ROBO2: variants seen among roughly 807,000 people sequenced by gnomAD.
ROBO2 encodes the protein roundabout homolog 2.
In ROBO2, 53 loss-of-function variants were observed where a neutral mutation model predicts 160.8. The ratio of observed to expected loss-of-function variants is 0.33; its 90% CI spans 0.26 to 0.41. The LOEUF is 0.41. ROBO2 is among the 10% of genes least tolerant of loss of function. ROBO2 has a pLI of 1.00. For synonymous variants in ROBO2, 664 were observed against 611.7 expected (o/e 1.09, Z -1.26); for missense variants, 1,577 against 1,722.4 (o/e 0.92, Z 1.49).
chr3:77,295,950 G>A (rs1433264122), intron 2 of ROBO2, among the ~76,000 whole-genome samples: 2 of 119,156 alleles, frequency 1.7e-5, no homozygotes, highest in East Asian at 2.5e-4. Context: ...ATGGTTAAAC[G>A]GGTAAGCTGA....
chr3:77,293,905 A>T (rs867389680), intron 2 of ROBO2, among the ~76,000 whole-genome samples: 3 of 125,084 alleles, frequency 2.4e-5, no homozygotes, highest in African/African-American at 1.1e-4. Flanking sequence ...AGTAAGCTGC[A>T]GCTAGATCAC....
At chr3:76,924,647 C>T (rs1056790397) in intron 2 of ROBO2, among the ~76,000 whole-genome samples, 4 of 152,180 alleles carry the variant, frequency 2.6e-5, no homozygotes, top group Non-Finnish European at 4.4e-5. Flanking sequence ...TATAGGCTCT[C>T]CCAGTGCATA....
At chr3:76,286,405 A>G (rs1708507449) in intron 2 of ROBO2, among the ~76,000 whole-genome samples, 1 of 152,192 alleles carries the variant, frequency 6.6e-6, no homozygotes, top group East Asian at 1.9e-4. Context: ...CAGTGGTGTA[A>G]GAATAGTGTT....
rs142129584 is a variant in ROBO2, at chr3:76,288,413, T to C, written c.109+350811T>C. ...AAACTTAAATCACCTAAAATACCCATTTTTTTAATCATTCCCATTAATGAA... is the reference window on the plus strand; with the variant it reads ...AAACTTAAATCACCTAAAATACCCACTTTTTTAATCATTCCCATTAATGAA... On this transcript the variant is annotated intron_variant, in intron 2 of 26. Coordinates refer to the ROBO2 transcript ENST00000487694. Among the ~76,000 whole-genome samples, 518 of 152,158 alleles carry C rather than the reference T, an allele frequency of 3.4e-3. 6 individuals are homozygous for C. The highest frequency in any genetic ancestry group is 0.025 in the Admixed American group (376 of 15,266).
At chr3:76,233,299 A>G (rs773196519) in intron 2 of ROBO2, among the ~76,000 whole-genome samples, 3 of 151,958 alleles carry the variant, frequency 2.0e-5, no homozygotes, top group Non-Finnish European at 4.4e-5. Context: ...ACTTGCCACC[A>G]CACCCAGCTA....
At chr3:76,859,488 C>G (rs2070506513) in intron 2 of ROBO2, among the ~76,000 whole-genome samples, 1 of 152,148 alleles carries the variant, frequency 6.6e-6, no homozygotes, top group Non-Finnish European at 1.5e-5. Flanking sequence ...TCTAGCCTCT[C>G]CAGAACTCAG....
At chr3:77,240,356 C>T (rs1046868656) in intron 2 of ROBO2, among the ~76,000 whole-genome samples, 13 of 152,168 alleles carry the variant, frequency 8.5e-5, no homozygotes, top group Non-Finnish European at 1.9e-4. Flanking sequence ...TGCCCGGAGC[C>T]GTCAGTGCCA....
chr3:76,412,397 C>G (rs1384390912), intron 2 of ROBO2, among the ~76,000 whole-genome samples: 2 of 152,272 alleles, frequency 1.3e-5, no homozygotes, highest in African/African-American at 4.8e-5. Flanking sequence ...CAACAGTCCC[C>G]CAAAGTCTTA....
intron 2 of ROBO2, among the ~76,000 whole-genome samples, chr3:77,255,210 A>C (rs2090793505): frequency 6.6e-6 from 1 of 152,258 alleles, no homozygotes; most frequent in African/African-American, 2.4e-5. Context: ...AAATTAAGTT[A>C]CATGAGTCCA....
intron 2 of ROBO2, among the ~76,000 whole-genome samples, chr3:76,231,272 C>T (rs1238719640): frequency 6.6e-6 from 1 of 152,188 alleles, no homozygotes; most frequent in African/African-American, 2.4e-5. Flanking sequence ...TCCTCCTCTT[C>T]ATCAATTGCT....
In ROBO2 at chr3:77,244,432, C is replaced by A. The variant is rs187511244; in HGVS notation, c.388+146092C>A. ...AAAAGATAGGAAAACGTTTAGCATG[C>A]GCAAAGTCAAAGTCAGGGATCCATA... On this transcript the variant is annotated intron_variant, in intron 2 of 25. Transcript: ENST00000461745. 1.1e-3 allele frequency among the ~76,000 whole-genome samples: 167 copies of A among 152,176 alleles called. 2 individuals carry two copies. The highest frequency in any genetic ancestry group is 2.3e-3 in the East Asian group (12 of 5,178).
intron 2 of ROBO2, among the ~76,000 whole-genome samples, chr3:76,140,926 CTA>C (rs2071609341): frequency 1.4e-5 from 2 of 147,158 alleles, no homozygotes; most frequent in Non-Finnish European, 3.0e-5. Flanking sequence ...TTAATAATGA[CTA>C]TTATATTCTA....
chr3:77,370,439 C>T (rs565525895), intron 2 of ROBO2, among the ~76,000 whole-genome samples: 2 of 152,292 alleles, frequency 1.3e-5, no homozygotes, highest in South Asian at 2.1e-4. Flanking sequence ...GTGTTGAAGT[C>T]CCTTCTTAGT....
At chr3:77,005,208 C>T (rs1218513429) in intron 2 of ROBO2, among the ~76,000 whole-genome samples, 1 of 152,144 alleles carries the variant, frequency 6.6e-6, no homozygotes, top group Non-Finnish European at 1.5e-5. Context: ...CTATGGCCGC[C>T]GCCTTGCTGT....
At chr3:77,016,201 C>T (rs1234743762) in intron 2 of ROBO2, among the ~76,000 whole-genome samples, 1 of 152,118 alleles carries the variant, frequency 6.6e-6, no homozygotes, top group Non-Finnish European at 1.5e-5. Context: ...TGGTCTCCAT[C>T]TCCTGACCTC....
At chr3:77,061,686 CA>C (rs1216153004) in intron 1 of ROBO2, among the ~76,000 whole-genome samples, 6 of 152,108 alleles carry the variant, frequency 3.9e-5, no homozygotes, top group African/African-American at 1.4e-4. Flanking sequence ...GGGGACTTAT[CA>C]CCATGGATCG....
At chr3:76,468,411 C>T (rs2078471780) in intron 2 of ROBO2, among the ~76,000 whole-genome samples, 1 of 152,070 alleles carries the variant, frequency 6.6e-6, no homozygotes, top group South Asian at 2.1e-4. Context: ...AGCACACTCT[C>T]CAATATTGGA....
intron 2 of ROBO2, among the ~76,000 whole-genome samples, chr3:75,963,300 A>G (rs1352507): frequency 1.5e-3 from 221 of 151,790 alleles, no homozygotes; most frequent in African/African-American, 5.1e-3. Context: ...CAGTCCTCCC[A>G]ACTCAGCTCC....
intron 2 of ROBO2, among the ~76,000 whole-genome samples, chr3:76,359,962 C>T (rs924041946): frequency 1.3e-5 from 2 of 152,104 alleles, no homozygotes; most frequent in South Asian, 2.1e-4. Flanking sequence ...CAAGCAAGAA[C>T]AAAGCATGCA....
Sources: gnomAD v4.1 joint callset for allele counts (sites outside exome capture counted in the v4.1 genomes callset) on GRCh38, gnomAD v4.1.1 for gene constraint, MANE v1.5 for transcripts, NCBI Gene and HGNC (gene_info 2026-07-23, HGNC 2026-07-21) for gene names.